Variants in MACF1 observed in about 807,000 individuals in gnomAD.
MACF1 encodes microtubule actin crosslinking factor 1.
MACF1 carries 193 observed loss-of-function variants against 854.8 expected under a neutral mutation model. The observed-to-expected ratio is 0.23, with a 90% CI of 0.20 to 0.25. MACF1 has a LOEUF of 0.25. Among genes scored for constraint, MACF1 ranks in the 10% least tolerant of loss-of-function variants. The pLI, the probability that MACF1 is intolerant of heterozygous loss-of-function variation, is 1.00. For missense variants in MACF1, 7,722 were observed against 8,929.1 expected (o/e 0.86, Z 5.45); for synonymous variants, 3,185 against 3,226.7 (o/e 0.99, Z 0.44).
chr1:39,291,264 A>C (rs962370812), intron 15 of MACF1, among the ~76,000 whole-genome samples: 2 of 152,226 alleles, frequency 1.3e-5, no homozygotes, highest in Non-Finnish European at 2.9e-5. Context: ...GGCGTGAGCC[A>C]CTGCGCCTGG....
chr1:39,406,610 C>A (rs1642709407), intron 58 of MACF1, among the ~76,000 whole-genome samples: 1 of 151,950 alleles, frequency 6.6e-6, no homozygotes, highest in Non-Finnish European at 1.5e-5. Context: ...TGGCGCATGC[C>A]TGTAATCCCA....
At chr1:39,436,430 T>G (rs1643976753) in intron 70 of MACF1, 1 of 1,609,080 alleles carries the variant, frequency 6.2e-7, no homozygotes, top group African/African-American at 1.3e-5. Flanking sequence ...TGCTCCTGTC[T>G]TCCCCACATC....
chr1:39,282,802 G>A (rs1645572892), intron 7 of MACF1, among the ~76,000 whole-genome samples: 1 of 152,172 alleles, frequency 6.6e-6, no homozygotes, highest in Non-Finnish European at 1.5e-5. Context: ...CAAATGCAAA[G>A]GGCCTGGAGT....
chr1:39,333,589 G>A lies in MACF1; in HGVS notation c.7001G>A (p.Gly2334Glu). The A allele has an allele frequency of 3.1e-6, 5 of 1,614,206 alleles. No individual in the cohort carries two copies. The highest frequency in any genetic ancestry group is 1.1e-5 in the South Asian group (1 of 91,080). ...ATGGAGAAGCTGAACATGTTTCAGG[G>A]GTTCTTTGACTCTCAGACTTGTGAG... is the stretch of plus-strand genomic sequence containing the variant. The part of the protein sequence containing the change: ...KLMEKLNMFQ[G>E]FFDSQTCESL... The change falls in exon 37 of 101, where the codon GGG becomes GAG. Residue 2334 changes from glycine to glutamate, a missense_variant. Around this residue, in one of 15 missense-constraint regions of MACF1, gnomAD observed 1,531 missense variants for 1,601.6 expected, o/e 0.96. Coordinates refer to ENST00000564288, the MANE Select transcript of MACF1 (RefSeq NM_001394062.1).
chr1:39,459,334 A>G, intron 91 of MACF1, 85 bp downstream of exon 91: 2 of 1,367,886 alleles, frequency 1.5e-6, no homozygotes, highest in South Asian at 2.9e-5. Context: ...CTTAATGTGA[A>G]CCTTGTGTCT....
intron 6 of MACF1, among the ~76,000 whole-genome samples, chr1:39,259,811 T>A (rs1252182032): frequency 6.6e-6 from 1 of 151,510 alleles, no homozygotes; most frequent in Non-Finnish European, 1.5e-5. Context: ...TAGTACAGGG[T>A]TTCTCCATGT....
In MACF1 at chr1:39,389,053, T is replaced by A. The variant is rs1339532488; in HGVS notation, c.15816+395T>A. Among the ~76,000 whole-genome samples, 3 of 151,580 alleles carry A rather than the reference T, an allele frequency of 2.0e-5. No homozygotes were observed. The East Asian group carries it at 5.8e-4, about 29-fold the overall frequency. On this transcript the variant is annotated intron_variant, in intron 58 of 100. Transcript: ENST00000564288. ...CCATACCCGGCTAATTTTTTGTATT[T>A]TTTGTAGAGACGAGGTTTCACCATG... is the stretch of plus-strand genomic sequence containing the variant.
At chr1:39,131,113 A>G (rs918994455) in intron 2 of MACF1, among the ~76,000 whole-genome samples, 1 of 147,764 alleles carries the variant, frequency 6.8e-6, no homozygotes, top group Non-Finnish European at 1.5e-5. Context: ...CAGCCTCCCA[A>G]AGTGCTGGGA....
chr1:39,307,547 C>A (rs1429503546), intron 23 of MACF1, among the ~76,000 whole-genome samples: 1 of 152,100 alleles, frequency 6.6e-6, no homozygotes, highest in East Asian at 1.9e-4. Flanking sequence ...TCTTTCAGGT[C>A]TGGAGAAGTT....
rs564141029 is a variant in MACF1, at chr1:39,359,108, T to C, written c.12121-33T>C. 4.3e-6 allele frequency: 7 copies of C among 1,613,312 alleles called. No homozygotes were observed. In the African/African-American group the frequency reaches 8.0e-5, roughly 18 times the overall value. On this transcript the variant is annotated intron_variant, in intron 46 of 100. Coordinates refer to ENST00000564288, the MANE Select transcript of MACF1 (RefSeq NM_001394062.1). ...CTAGAATCATCTTTGATTACTTAGA[T>C]GTTTTTCTTTTGTTTTTTTCATGGA...
rs559782649 is a variant in MACF1, at chr1:39,449,634, G to A, written c.20258+871G>A. 6.0e-5 allele frequency among the ~76,000 whole-genome samples: 9 copies of A among 151,130 alleles called. No individual in the cohort carries two copies. The East Asian group carries it at 9.8e-4, about 16-fold the overall frequency. On this transcript the variant is annotated intron_variant, in intron 84 of 100. Coordinates refer to ENST00000564288, the MANE Select transcript of MACF1 (RefSeq NM_001394062.1). The stretch of plus-strand genomic sequence containing the variant: ...AGGATGGTCTCAATTTTCTGACCTC[G>A]TGATCCACCCGCCTCAGCCTCCCAA...
intron 97 of MACF1, among the ~76,000 whole-genome samples, chr1:39,472,953 A>G (rs913025915): frequency 6.6e-6 from 1 of 152,176 alleles, no homozygotes; most frequent in Admixed American, 6.5e-5. Flanking sequence ...CTTAATGCCT[A>G]TGTTGCGTGT....
intron 6 of MACF1, among the ~76,000 whole-genome samples, chr1:39,279,398 CT>C (rs140715515): frequency 2.3e-4 from 34 of 148,552 alleles, no homozygotes; most frequent in African/African-American, 5.4e-4. Flanking sequence ...GTTCCTGGCC[CT>C]TTTTTTTTTC....
chr1:39,421,589 T>C (rs1194530828), intron 58 of MACF1, among the ~76,000 whole-genome samples: 1 of 152,236 alleles, frequency 6.6e-6, no homozygotes, highest in East Asian at 1.9e-4. Flanking sequence ...AATTGAGTTA[T>C]TAGTCTTAGT....
chr1:39,187,895 T>TGTCTCTCTCTCTCTCTC (rs1553160211), intron 2 of MACF1, among the ~76,000 whole-genome samples: 2 of 68,398 alleles, frequency 2.9e-5, no homozygotes, highest in African/African-American at 1.0e-4. Flanking sequence ...TCTCTCTCTC[T>TGTCTCTCTCTCTCTCTC]CTCTCTCCTC....
At chr1:39,103,662 A>C (rs1003695499) in intron 2 of MACF1, 1 of 152,370 alleles carries the variant, frequency 6.6e-6, no homozygotes, top group Non-Finnish European at 1.5e-5. Flanking sequence ...AGCTGACACC[A>C]AACTGAGAAC....
intron 2 of MACF1, among the ~76,000 whole-genome samples, chr1:39,185,775 T>C (rs188257860): frequency 2.0e-5 from 3 of 152,166 alleles, no homozygotes; most frequent in African/African-American, 7.2e-5. Flanking sequence ...TGCTGGACTT[T>C]CCGGGGGCTT....
chr1:39,131,523 CT>C (rs1442837831), intron 2 of MACF1, among the ~76,000 whole-genome samples: 3 of 151,938 alleles, frequency 2.0e-5, no homozygotes, highest in African/African-American at 4.8e-5. Context: ...AGTTATTTGC[CT>C]TTTTTTCCCT....
At chr1:39,292,901 ACTCT>A in intron 17 of MACF1, 58 bp downstream of exon 17, 1 of 1,379,870 alleles carries the variant, frequency 7.2e-7, no homozygotes, top group Non-Finnish European at 1.0e-6. Context: ...CCCCCAATCA[ACTCT>A]CTTCCGTAAT....
Sources: allele counts gnomAD v4.1 joint callset (sites outside exome capture counted in the v4.1 genomes callset), GRCh38; gene constraint gnomAD v4.1.1; regional missense constraint gnomAD v4.1.1; transcripts MANE v1.5; gene names NCBI Gene and HGNC (gene_info 2026-07-23, HGNC 2026-07-21).